BAZ2B: variants seen among roughly 807,000 people sequenced by gnomAD.
The protein encoded by BAZ2B is bromodomain adjacent to zinc finger domain protein 2B.
In BAZ2B, 91 loss-of-function variants were observed where a neutral mutation model predicts 246.0. The observed-to-expected ratio is 0.37, with a 90% CI of 0.31 to 0.44. The LOEUF (loss-of-function observed/expected upper bound fraction) is 0.44, where lower values mean the gene tolerates loss of function less well. Among genes scored for constraint, BAZ2B ranks in the 20% least tolerant of loss-of-function variants. BAZ2B has a pLI of 1.00. For missense variants in BAZ2B, 2,332 were observed against 2,533.7 expected (o/e 0.92, Z 1.71); for synonymous variants, 855 against 860.0 (o/e 0.99, Z 0.10).
At chr2:159,687,433 A>G in the BAZ2B span, among the ~76,000 whole-genome samples, 2 of 152,214 alleles carry the variant, frequency 1.3e-5, no homozygotes. Flanking sequence ...GTAGTCAATC[A>G]CCAATGGACA....
At chr2:159,702,980 C>A in the BAZ2B span, among the ~76,000 whole-genome samples, 11 of 152,026 alleles carry the variant, frequency 7.2e-5, no homozygotes, top group African/African-American at 2.4e-4. Flanking sequence ...GGAGGTGGAG[C>A]TTGCAGTGAG....
At chr2:159,518,045 T>G (rs1400828575) in intron 2 of BAZ2B, among the ~76,000 whole-genome samples, 1 of 152,208 alleles carries the variant, frequency 6.6e-6, no homozygotes, top group South Asian at 2.1e-4. Context: ...TCCTACCACA[T>G]AAGTAGCTTT....
At chr2:159,338,657 T>A (rs942818010) in intron 31 of BAZ2B, among the ~76,000 whole-genome samples, 1 of 152,174 alleles carries the variant, frequency 6.6e-6, no homozygotes, top group African/African-American at 2.4e-5. Flanking sequence ...CATTCACACA[T>A]CTTATGTTGC....
chr2:159,324,710 A>G (rs1302301671), intron 36 of BAZ2B, 101 bp downstream of exon 36: 2 of 693,810 alleles, frequency 2.9e-6, no homozygotes, highest in South Asian at 2.8e-5. Context: ...GGCAGGGCCT[A>G]TATCTTGCTG....
At chr2:159,366,959 G>A (rs1363643144) in intron 27 of BAZ2B, among the ~76,000 whole-genome samples, 2 of 151,392 alleles carry the variant, frequency 1.3e-5, no homozygotes, top group Non-Finnish European at 2.9e-5. Flanking sequence ...TTAGCTAAAT[G>A]GGCATGGGGG....
At chr2:159,450,644 A>C (rs1577171202) in intron 4 of BAZ2B, among the ~76,000 whole-genome samples, 1 of 152,360 alleles carries the variant, frequency 6.6e-6, no homozygotes. Flanking sequence ...GCTTGTTGAC[A>C]AAATGAAAAA....
the BAZ2B span, among the ~76,000 whole-genome samples, chr2:159,701,564 T>C: frequency 6.6e-6 from 1 of 150,504 alleles, no homozygotes; most frequent in African/African-American, 2.4e-5. Flanking sequence ...AAATGTACAA[T>C]GTATTTTTTA....
intron 3 of BAZ2B, chr2:159,463,709 T>TATC (rs1420988034): frequency 6.6e-6 from 1 of 151,786 alleles, no homozygotes; most frequent in Non-Finnish European, 1.5e-5. Flanking sequence ...TGGGTTTTAT[T>TATC]ATTATTATTT....
chr2:159,327,463 T>C (rs1310785611), intron 34 of BAZ2B, among the ~76,000 whole-genome samples: 1 of 152,210 alleles, frequency 6.6e-6, no homozygotes, highest in African/African-American at 2.4e-5. Context: ...ACAACCCCTG[T>C]CACTAACTGA....
chr2:159,460,946 G>A (rs1341400079), intron 3 of BAZ2B: 1 of 152,202 alleles, frequency 6.6e-6, no homozygotes, highest in Admixed American at 6.6e-5. Context: ...GAACAAAACA[G>A]GTATATTTCT....
At chr2:159,371,299 C>T (rs2060823562) in intron 27 of BAZ2B, among the ~76,000 whole-genome samples, 1 of 151,946 alleles carries the variant, frequency 6.6e-6, no homozygotes, top group Admixed American at 6.6e-5. Flanking sequence ...CGTGTCACTG[C>T]ATCTGGCTAA....
chr2:159,459,501 C>T (rs762570812), intron 3 of BAZ2B: 2 of 152,204 alleles, frequency 1.3e-5, no homozygotes, highest in Non-Finnish European at 2.9e-5. Context: ...TCTTTTTATA[C>T]AGCAGGGATT....
intron 1 of BAZ2B, among the ~76,000 whole-genome samples, chr2:159,558,192 G>A (rs1456588915): frequency 6.6e-6 from 1 of 152,174 alleles, no homozygotes; most frequent in Non-Finnish European, 1.5e-5. Flanking sequence ...CAATAGGACA[G>A]GCCAGTGTCA....
intron 1 of BAZ2B, among the ~76,000 whole-genome samples, chr2:159,556,873 T>C (rs900383693): frequency 6.6e-6 from 1 of 152,198 alleles, no homozygotes; most frequent in Non-Finnish European, 1.5e-5. Context: ...CTTTCATGTA[T>C]TATTTTATCA....
chr2:159,477,149 C>G (rs2078681353), intron 3 of BAZ2B, among the ~76,000 whole-genome samples: 1 of 151,884 alleles, frequency 6.6e-6, no homozygotes. Context: ...ACTAAAAATA[C>G]AAAAAATTGG....
the BAZ2B span, among the ~76,000 whole-genome samples, chr2:159,658,952 C>T: frequency 6.6e-6 from 1 of 152,100 alleles, no homozygotes; most frequent in African/African-American, 2.4e-5. Flanking sequence ...TTGTGGCTGG[C>T]CTTAGCTGAA....
chr2:159,683,043 G>C, the BAZ2B span, among the ~76,000 whole-genome samples: 1 of 151,580 alleles, frequency 6.6e-6, no homozygotes, highest in Non-Finnish European at 1.5e-5. Flanking sequence ...TTCCCCCATG[G>C]AGCATTATTA....
At chr2:159,696,200 ACTT>A in the BAZ2B span, among the ~76,000 whole-genome samples, 59 of 152,010 alleles carry the variant, frequency 3.9e-4, no homozygotes, top group Non-Finnish European at 7.7e-4. Context: ...AGGTCCTGTC[ACTT>A]CTTCTTTTCT....
intron 27 of BAZ2B, among the ~76,000 whole-genome samples, chr2:159,353,600 G>C (rs1459852390): frequency 6.6e-6 from 1 of 152,200 alleles, no homozygotes; most frequent in African/African-American, 2.4e-5. Context: ...AACCCCTCGA[G>C]TATTTAGCTA....
Sources: allele counts gnomAD v4.1 joint callset (sites outside exome capture counted in the v4.1 genomes callset), GRCh38; gene constraint gnomAD v4.1.1; transcripts MANE v1.5; gene names NCBI Gene and HGNC (gene_info 2026-07-23, HGNC 2026-07-21).